Variants in HEATR5B observed in about 807,000 individuals in gnomAD.
HEATR5B encodes HEAT repeat-containing protein 5B.
Under a neutral mutation model 224.1 loss-of-function variants are expected in HEATR5B, and 156 were observed. The ratio of observed to expected loss-of-function variants is 0.70; its 90% CI spans 0.61 to 0.80. HEATR5B has a LOEUF of 0.80. HEATR5B is among the 30% of genes least tolerant of loss of function. The pLI, the probability that HEATR5B is intolerant of heterozygous loss-of-function variation, is 0.00. For synonymous variants in HEATR5B, 1,027 were observed against 893.0 expected (o/e 1.15, Z -2.68); for missense variants, 2,323 against 2,535.5 (o/e 0.92, Z 1.80).
chr2:37,073,469 C>G (rs1339201844), intron 5 of HEATR5B, among the ~76,000 whole-genome samples: 1 of 152,124 alleles, frequency 6.6e-6, no homozygotes, highest in Non-Finnish European at 1.5e-5. Context: ...GTCTTAAACT[C>G]CTGACCTCAG....
Position 37,020,767 on chromosome 2 carries a change from T to C in HEATR5B, c.3923A>G (p.Asn1308Ser). The C allele has an allele frequency of 6.2e-7, 1 of 1,610,086 alleles. No individual in the cohort carries two copies. The highest frequency in any genetic ancestry group is 8.5e-7 in the Non-Finnish European group (1 of 1,179,176). ...MAFMAATDHS[N>S]QLRMAGLQAL... is the part of the protein sequence containing the mutation. ...CTGGAGCCCAGCCATTCGCAGCTGG[T>C]TGCTATGATCAGTTGCAGCCATGAA... Residue 1308 changes from asparagine (N) to serine (S), a missense_variant, in exon 25 of 36, where the codon AAC becomes AGC. Asn to Ser is a conservative substitution (Grantham distance 46). Coordinates refer to ENST00000233099, the MANE Select transcript of HEATR5B (RefSeq NM_019024.3).
chr2:36,981,606 G>T lies in HEATR5B; in HGVS notation c.6100C>A (p.Arg2034Ser). 1 of 1,614,136 alleles carries T rather than the reference G, an allele frequency of 6.2e-7. No individual in the cohort carries two copies. The highest frequency in any genetic ancestry group is 8.5e-7 in the Non-Finnish European group (1 of 1,180,010). Residue 2034 changes from arginine to serine, a missense_variant, in exon 36 of 36, where the codon CGT (arginine) becomes AGT (serine). Physicochemically the swap from Arg to Ser is moderately radical, Grantham distance 110. Around this residue, in one of 12 missense-constraint regions of HEATR5B, gnomAD observed 844 missense variants for 812.9 expected, o/e 1.04. Transcript: ENST00000233099. ...VMGAAPELKV[R>S]LETAVRASQA... ...CTTGCTCGAACGGCAGTTTCTAGAC[G>T]CACTTTCAACTCAGGAGCAGCCCCC...
chr2:36,992,883 T>C (rs1666430096), intron 33 of HEATR5B, among the ~76,000 whole-genome samples: 1 of 151,962 alleles, frequency 6.6e-6, no homozygotes. Flanking sequence ...CACCACCATG[T>C]ACAGCTGAAT....
intron 35 of HEATR5B, among the ~76,000 whole-genome samples, chr2:36,985,140 A>C (rs1665859726): frequency 6.6e-6 from 1 of 152,192 alleles, no homozygotes; most frequent in East Asian, 1.9e-4. Context: ...AAAAGCTGAA[A>C]ATTTACCCTC....
At chr2:37,032,420 T>A (rs1179634397) in intron 22 of HEATR5B, among the ~76,000 whole-genome samples, 1 of 152,028 alleles carries the variant, frequency 6.6e-6, no homozygotes, top group East Asian at 1.9e-4. Context: ...TACACAACAC[T>A]ATGCCCAACT....
At chr2:37,045,097 C>T (rs1239039961) in intron 18 of HEATR5B, among the ~76,000 whole-genome samples, 2 of 152,212 alleles carry the variant, frequency 1.3e-5, no homozygotes, top group Non-Finnish European at 2.9e-5. Context: ...CCTTTTCTCA[C>T]ATCATGCTCA....
Position 37,000,576 on chromosome 2 carries a change from G to T in HEATR5B, c.5545+10C>A. The T allele has an allele frequency of 6.2e-7, 1 of 1,609,944 alleles. No individual in the cohort carries two copies. Among genetic ancestry groups the T allele is most frequent in the Non-Finnish European group, 8.5e-7 (1 of 1,176,222 alleles). ...CTAACTAACTAAAACGTTTAAAACTGATAGGTTACCTGGTTGAGAATATTC... is the reference window on the plus strand; with the variant it reads ...CTAACTAACTAAAACGTTTAAAACTTATAGGTTACCTGGTTGAGAATATTC... On this transcript the variant is annotated intron_variant, in intron 33 of 35. Coordinates refer to ENST00000233099, the MANE Select transcript of HEATR5B (RefSeq NM_019024.3).
At chr2:37,068,495 A>G (rs1242496584) in intron 8 of HEATR5B, among the ~76,000 whole-genome samples, 186 bp downstream of exon 8, 6 of 152,186 alleles carry the variant, frequency 3.9e-5, no homozygotes, top group African/African-American at 1.4e-4. Context: ...CATACCACCC[A>G]AATCTTTAAA....
At chr2:37,037,009 G>A (rs1669522706) in intron 21 of HEATR5B, among the ~76,000 whole-genome samples, 1 of 151,114 alleles carries the variant, frequency 6.6e-6, no homozygotes, top group Non-Finnish European at 1.5e-5. Flanking sequence ...AGGTTGCATG[G>A]CTCCTGACAT....
chr2:36,994,137 T>C (rs1204661608), intron 33 of HEATR5B, among the ~76,000 whole-genome samples: 1 of 152,128 alleles, frequency 6.6e-6, no homozygotes, highest in Non-Finnish European at 1.5e-5. Context: ...TCAGCAAAAT[T>C]AATAATAATA....
At chr2:37,009,591 A>G (rs1667659847) in intron 27 of HEATR5B, among the ~76,000 whole-genome samples, 1 of 152,032 alleles carries the variant, frequency 6.6e-6, no homozygotes, top group African/African-American at 2.4e-5. Context: ...AAAAGAAAAA[A>G]AAAAGTATAT....
Position 37,075,518 on chromosome 2 carries a change from A to G in HEATR5B, c.564T>C (p.Asp188=), listed in dbSNP as rs1469711502. 2.5e-6 allele frequency: 4 copies of G among 1,614,030 alleles called. No homozygotes were observed. The highest frequency in any genetic ancestry group is 2.5e-6 in the Non-Finnish European group (3 of 1,179,936). Residue 188 remains aspartate, a synonymous_variant, in exon 5 of 36, where the codon GAT becomes GAC. Transcript: ENST00000233099. ...IYKNARSLLT[D]RSMAVRCAVA... is the part of the protein sequence containing the mutation. ...CTGCACATCGAACAGCCATTGACCT[A>G]TCAGTCAAGAGAGACCTGGCATTCT...
chr2:37,074,125 T>A (rs1401058264), intron 5 of HEATR5B, among the ~76,000 whole-genome samples: 1 of 151,912 alleles, frequency 6.6e-6, no homozygotes, highest in African/African-American at 2.4e-5. Context: ...ATCGAGACCA[T>A]CCTGGCTAAC....
chr2:37,072,448 G>C (rs1357867167), intron 5 of HEATR5B, among the ~76,000 whole-genome samples, 167 bp from the exon 6 acceptor site: 1 of 152,114 alleles, frequency 6.6e-6, no homozygotes, highest in Non-Finnish European at 1.5e-5. Flanking sequence ...AAGCATCTTT[G>C]AGGAAAAAAA....
chr2:37,062,882 G>T (rs1349021353), intron 10 of HEATR5B, among the ~76,000 whole-genome samples: 2 of 152,146 alleles, frequency 1.3e-5, no homozygotes, highest in African/African-American at 4.8e-5. Flanking sequence ...GGAATTCCTG[G>T]GCTCAAGGGA....
chr2:37,056,527 G>C lies in HEATR5B; in HGVS notation c.2312C>G (p.Pro771Arg), dbSNP rs747580409. Residue 771 changes from proline (P) to arginine (R), a missense_variant, in exon 16 of 36, where the codon CCT (proline) becomes CGT (arginine). By Grantham distance (103) the Pro-to-Arg change is moderately radical (BLOSUM62 -2). Transcript: ENST00000233099. ...TGAGACTCCGAGAGGGAGGGGACCAGGTACTGCTTCTCCAGCAGGTATGCG... is the reference window on the plus strand; with the variant it reads ...TGAGACTCCGAGAGGGAGGGGACCACGTACTGCTTCTCCAGCAGGTATGCG... ...YLRIPAGEAV[P>R]GPLPLGVSVI... 1.2e-6 allele frequency: 2 copies of C among 1,613,454 alleles called. No homozygotes were observed. The highest frequency in any genetic ancestry group is 8.5e-7 in the Non-Finnish European group (1 of 1,179,572).
chr2:37,030,036 T>A (rs1669027640), intron 22 of HEATR5B, among the ~76,000 whole-genome samples: 2 of 152,176 alleles, frequency 1.3e-5, no homozygotes, highest in African/African-American at 4.8e-5. Context: ...AAATAGTGGT[T>A]AAATTTCTTG....
At position 37,032,655 on chromosome 2, in the gene HEATR5B, G is replaced by A; in HGVS notation, c.3335C>T (p.Thr1112Ile). ...GGCACTACTGCTCTCTTTGTCCCCT[G>A]TATTTTTTGCCAGGCTCATGGCATA... ...CEYAMSLAKN[T>I]GDKESSSANV... The change falls in exon 22 of 36, where the codon ACA becomes ATA. Residue 1112 changes from threonine (T) to isoleucine (I), a missense_variant. Coordinates refer to ENST00000233099, the MANE Select transcript of HEATR5B (RefSeq NM_019024.3). The A allele has an allele frequency of 6.2e-7, 1 of 1,613,770 alleles. No homozygotes were observed. Among genetic ancestry groups the A allele is most frequent in the Non-Finnish European group, 8.5e-7 (1 of 1,179,904 alleles).
At position 37,064,822 on chromosome 2, in the gene HEATR5B, A is replaced by G. The variant is rs1423242233; in HGVS notation, c.1502T>C (p.Val501Ala). 2 of 1,614,026 alleles carry G rather than the reference A, an allele frequency of 1.2e-6. No homozygotes were observed. The highest frequency in any genetic ancestry group is 1.1e-5 in the South Asian group (1 of 91,068). ...LNNLKTSPEA[V>A]SGYSFAMAAL... ...AGCCATTGCAAAACTATATCCACTG[A>G]CAGCTTCTGGTGAGGTCTTCAAGTT... Residue 501 changes from valine to alanine, a missense_variant, in exon 10 of 36, where the codon GTC (valine) becomes GCC (alanine). Coordinates refer to ENST00000233099, the MANE Select transcript of HEATR5B (RefSeq NM_019024.3).
Sources: allele counts gnomAD v4.1 joint callset (sites outside exome capture counted in the v4.1 genomes callset), GRCh38; gene constraint gnomAD v4.1.1; regional missense constraint gnomAD v4.1.1; transcripts MANE v1.5; gene names NCBI Gene and HGNC (gene_info 2026-07-23, HGNC 2026-07-21).